Variants in DTHD1 observed in about 807,000 individuals in gnomAD.
The protein encoded by DTHD1 is death domain-containing protein 1.
Under a neutral mutation model 74.8 loss-of-function variants are expected in DTHD1, and 59 were observed. That is an observed-to-expected ratio of 0.79 (90% CI 0.64 to 0.98). The LOEUF is 0.98. Among genes scored for constraint, DTHD1 ranks in the 50% least tolerant of loss-of-function variants. DTHD1 has a pLI of 0.00. For missense variants in DTHD1, 1,051 were observed against 1,065.4 expected (o/e 0.99, Z 0.19); for synonymous variants, 365 against 371.1 (o/e 0.98, Z 0.19).
chr4:36,323,785 A>G (rs1026319799), intron 8 of DTHD1, among the ~76,000 whole-genome samples: 2 of 152,064 alleles, frequency 1.3e-5, no homozygotes, highest in Non-Finnish European at 2.9e-5. Context: ...CCCTTCCCCT[A>G]TCAATTACAG....
chr4:36,299,326 A>G (rs1756624798), intron 5 of DTHD1, among the ~76,000 whole-genome samples: 1 of 152,108 alleles, frequency 6.6e-6, no homozygotes, highest in Non-Finnish European at 1.5e-5. Flanking sequence ...GATGAAAATG[A>G]ATTTTTTCCA....
chr4:36,306,399 G>A lies in DTHD1; in HGVS notation c.1805+47G>A, dbSNP rs1391516279. On this transcript the variant is annotated intron_variant, in intron 6 of 9. Transcript: ENST00000639862. ...AAAGTTGATGATACTCTTTCTGATG[G>A]TCATAACTGGTGTTTATAGAAATGG... 12 of 1,472,186 alleles carry A rather than the reference G, an allele frequency of 8.2e-6. No homozygotes were observed. The South Asian group carries it at 1.7e-4, about 20-fold the overall frequency. 91.2% of individuals were successfully genotyped at this position (1,472,186 alleles called of 1,614,324 possible).
chr4:36,324,029 T>C (rs945146135), intron 8 of DTHD1, among the ~76,000 whole-genome samples: 5 of 152,276 alleles, frequency 3.3e-5, no homozygotes, highest in Admixed American at 6.5e-5. Context: ...AAGAGGAACA[T>C]GAGGGGAAAA....
intron 7 of DTHD1, among the ~76,000 whole-genome samples, chr4:36,309,430 C>T (rs1578461110): frequency 1.3e-5 from 2 of 152,148 alleles, no homozygotes; most frequent in Non-Finnish European, 2.9e-5. Context: ...TGCAGTGAGC[C>T]GAGATACCTT....
At chr4:36,319,282 T>C (rs1757924991) in intron 8 of DTHD1, among the ~76,000 whole-genome samples, 2 of 152,202 alleles carry the variant, frequency 1.3e-5, no homozygotes, top group Admixed American at 1.3e-4. Context: ...ACCCTAAATA[T>C]CTATGACTTG....
At chr4:36,289,248 G>A (rs75334768) in intron 2 of DTHD1, among the ~76,000 whole-genome samples, 3,606 of 152,166 alleles carry the variant, frequency 0.024, 78 homozygotes, top group African/African-American at 0.058. Context: ...ACTCAAGTTG[G>A]TAATTTTAAT....
chr4:36,320,299 C>T (rs1032850206), intron 8 of DTHD1, among the ~76,000 whole-genome samples: 1 of 152,128 alleles, frequency 6.6e-6, no homozygotes, highest in Non-Finnish European at 1.5e-5. Flanking sequence ...ATGCATGCAA[C>T]GAACTGCGCA....
At chr4:36,335,419 G>T (rs1758956148) in intron 8 of DTHD1, among the ~76,000 whole-genome samples, 1 of 152,096 alleles carries the variant, frequency 6.6e-6, no homozygotes, top group East Asian at 1.9e-4. Flanking sequence ...TAGAGATGAG[G>T]TCTTGCTGTG....
At chr4:36,334,038 A>T (rs150307525) in intron 8 of DTHD1, 1 of 152,154 alleles carries the variant, frequency 6.6e-6, no homozygotes, top group Non-Finnish European at 1.5e-5. Flanking sequence ...AAGCAATCTG[A>T]AGTTTACTTT....
At chr4:36,333,113 T>C (rs1758794507) in intron 8 of DTHD1, among the ~76,000 whole-genome samples, 1 of 152,134 alleles carries the variant, frequency 6.6e-6, no homozygotes, top group African/African-American at 2.4e-5. Flanking sequence ...AAATTTAGCA[T>C]AAAAATTCAT....
rs1000681587 is a variant in DTHD1, at chr4:36,339,140, G to A, written c.2369G>A (p.Ser790Asn). 3 of 1,547,866 alleles carry A rather than the reference G, an allele frequency of 1.9e-6. No individual in the cohort carries two copies. The highest frequency in any genetic ancestry group is 1.4e-5 in the African/African-American group (1 of 72,898). Reference protein sequence around the residue: ...KHKKLINRPQSTKRVSKDPVE... With the variant: ...KHKKLINRPQNTKRVSKDPVE... ...AAGAAATTAATCAACCGTCCACAGA[G>A]TACCAAAAGAGTTTCTAAGGATCCT... The change falls in exon 9 of 10, where the codon AGT becomes AAT. Residue 790 changes from serine to asparagine, a missense_variant. Coordinates refer to ENST00000639862, the MANE Select transcript of DTHD1 (RefSeq NM_001170700.3).
chr4:36,311,777 C>A (rs1003930333), intron 7 of DTHD1: 1 of 152,120 alleles, frequency 6.6e-6, no homozygotes. Context: ...CAGTCCCCAG[C>A]ACCTAGGGCA....
intron 5 of DTHD1, among the ~76,000 whole-genome samples, chr4:36,304,625 T>C (rs1756945702): frequency 6.6e-6 from 1 of 152,186 alleles, no homozygotes; most frequent in African/African-American, 2.4e-5. Flanking sequence ...CTTTGTCTCT[T>C]TGTGGAGTGT....
intron 8 of DTHD1, among the ~76,000 whole-genome samples, chr4:36,329,817 T>C (rs1346050204): frequency 1.3e-5 from 2 of 152,232 alleles, no homozygotes; most frequent in Non-Finnish European, 2.9e-5. Flanking sequence ...ATTGCAAAGC[T>C]TTCTTTTTGA....
At chr4:36,303,368 CTT>C (rs997295019) in intron 5 of DTHD1, among the ~76,000 whole-genome samples, 2 of 152,136 alleles carry the variant, frequency 1.3e-5, no homozygotes, top group African/African-American at 4.8e-5. Flanking sequence ...GTTAAGGACT[CTT>C]TTGATTTAAG....
intron 7 of DTHD1, among the ~76,000 whole-genome samples, chr4:36,314,037 AC>A (rs1353419513): frequency 6.7e-6 from 1 of 149,852 alleles, no homozygotes; most frequent in Non-Finnish European, 1.5e-5. Flanking sequence ...AAGAAGACAA[AC>A]CCTGGCTACT....
intron 8 of DTHD1, among the ~76,000 whole-genome samples, chr4:36,319,046 T>C (rs1757915434): frequency 6.6e-6 from 1 of 152,204 alleles, no homozygotes; most frequent in Non-Finnish European, 1.5e-5. Context: ...ATGTCACTTG[T>C]TATTCTTATT....
At chr4:36,311,444 GAGGGTTCTCC>G (rs1009865914) in intron 7 of DTHD1, 2 of 152,186 alleles carry the variant, frequency 1.3e-5, no homozygotes, top group Non-Finnish European at 2.9e-5. Flanking sequence ...TCTCTGCCTG[GAGGGTTCTCC>G]TCGCCCTCCC....
intron 8 of DTHD1, among the ~76,000 whole-genome samples, chr4:36,322,741 T>C (rs1758112207): frequency 6.6e-6 from 1 of 152,254 alleles, no homozygotes; most frequent in Non-Finnish European, 1.5e-5. Flanking sequence ...AATATGTGGC[T>C]GAAAAGAATA....
Sources: allele counts gnomAD v4.1 joint callset (sites outside exome capture counted in the v4.1 genomes callset), GRCh38; gene constraint gnomAD v4.1.1; transcripts MANE v1.5; gene names NCBI Gene and HGNC (gene_info 2026-07-23, HGNC 2026-07-21).